Variants in SUMF1 observed in about 807,000 individuals in gnomAD.
SUMF1 encodes the protein sulfatase modifying factor 1, also known as formylglycine-generating enzyme.
A neutral mutation model predicts 47.6 loss-of-function variants in SUMF1; 48 were observed. The observed-to-expected ratio is 1.01, with a 90% CI of 0.80 to 1.28. The LOEUF is 1.28. Ranked by LOEUF, SUMF1 falls within the 50% of genes most tolerant of loss-of-function variation. The probability of loss-of-function intolerance (pLI) is 0.00; values close to 1 mark genes in which losing one functional copy is unlikely to be tolerated. For missense variants in SUMF1, 571 were observed against 485.4 expected, an observed-to-expected ratio of 1.18 and a Z score of -1.66; for synonymous variants, 230 against 192.1, an observed-to-expected ratio of 1.20 and a Z score of -1.63.
At chr3:4,450,292 C>G (rs1215072299) in intron 2 of SUMF1, among the ~76,000 whole-genome samples, 1 of 152,180 alleles carries the variant, frequency 6.6e-6, no homozygotes, top group African/African-American at 2.4e-5. Context: ...TCAATCTCAT[C>G]AAATTAACTA....
intron 8 of SUMF1, among the ~76,000 whole-genome samples, chr3:4,149,746 G>A (rs943982074): frequency 1.3e-5 from 2 of 152,166 alleles, no homozygotes. Flanking sequence ...AAGACTGGTA[G>A]TTTCCTACAC....
At chr3:4,188,688 C>T (rs2629243) in intron 8 of SUMF1, among the ~76,000 whole-genome samples, 124,690 of 152,050 alleles carry the variant, frequency 0.82, 51,492 homozygotes, top group Admixed American at 0.88. Context: ...TTAGTGCTGA[C>T]TTACTGTGGA....
At chr3:4,435,196 G>C (rs9859047) in intron 3 of SUMF1, among the ~76,000 whole-genome samples, 1 of 152,068 alleles carries the variant, frequency 6.6e-6, no homozygotes, top group African/African-American at 2.4e-5. Context: ...CAAAGTGCTG[G>C]GACTACAGGC....
At chr3:4,339,293 G>A (rs1009374897) in intron 8 of SUMF1, among the ~76,000 whole-genome samples, 6 of 152,056 alleles carry the variant, frequency 3.9e-5, no homozygotes, top group African/African-American at 1.4e-4. Context: ...TCCTTGTGAG[G>A]TATGCCCCAC....
At chr3:4,286,094 C>T (rs1697627364) in intron 8 of SUMF1, among the ~76,000 whole-genome samples, 1 of 151,994 alleles carries the variant, frequency 6.6e-6, no homozygotes, top group South Asian at 2.1e-4. Context: ...TTGTTATATG[C>T]TTAAATTATA....
At position 4,308,527 on chromosome 3, in the gene SUMF1, C is replaced by T. The variant is rs113382810; in HGVS notation, c.1014+67803G>A. ...ATAAAGTGCCTGACATGGAGTACAG[C>T]ATTATTTCATTAAAATTTCATGATA... On this transcript the variant is annotated intron_variant and NMD_transcript_variant, in intron 8 of 12. Transcript: ENST00000448413. Among the ~76,000 whole-genome samples, 3 of 152,298 alleles carry T rather than the reference C, an allele frequency of 2.0e-5. 1 individual carries two copies. Among genetic ancestry groups the T allele is most frequent in the African/African-American group, 7.2e-5 (3 of 41,574 alleles).
chr3:4,462,757 G>C (rs1047111037), intron 1 of SUMF1, among the ~76,000 whole-genome samples: 3 of 152,182 alleles, frequency 2.0e-5, no homozygotes, highest in East Asian at 3.8e-4. Context: ...AGAGAAGCAT[G>C]CTCTCTGGAT....
At chr3:4,242,218 C>T (rs531640204) in intron 8 of SUMF1, among the ~76,000 whole-genome samples, 2 of 152,168 alleles carry the variant, frequency 1.3e-5, no homozygotes, top group East Asian at 3.8e-4. Flanking sequence ...ATGTCATCTG[C>T]AAACAGGGAC....
chr3:4,357,453 G>T (rs374355707), downstream of SUMF1, among the ~76,000 whole-genome samples: 25 of 151,688 alleles, frequency 1.6e-4, no homozygotes, highest in South Asian at 5.2e-3. Context: ...GATTCTCATG[G>T]ATGAAATTTC....
At chr3:4,163,464 T>G (rs200386538) in intron 8 of SUMF1, among the ~76,000 whole-genome samples, 1 of 30,308 alleles carries the variant, frequency 3.3e-5, no homozygotes, top group East Asian at 5.3e-4. Context: ...TTTATAAAGA[T>G]GTAAGAAAAT....
At chr3:4,164,844 G>A (rs1694662005) in intron 8 of SUMF1, among the ~76,000 whole-genome samples, 1 of 152,112 alleles carries the variant, frequency 6.6e-6, no homozygotes, top group African/African-American at 2.4e-5. Context: ...ATTGACCCTT[G>A]AGTGAGTCAG....
At chr3:4,438,775 GA>G (rs1409767620) in intron 3 of SUMF1, among the ~76,000 whole-genome samples, 1 of 152,062 alleles carries the variant, frequency 6.6e-6, no homozygotes, top group Non-Finnish European at 1.5e-5. Context: ...TAAGGATATA[GA>G]AAATTTGCAC....
intron 9 of SUMF1, among the ~76,000 whole-genome samples, chr3:4,063,222 C>A (rs1164081198): frequency 1.3e-5 from 2 of 152,070 alleles, no homozygotes; most frequent in African/African-American, 4.8e-5. Flanking sequence ...GCCCACACAT[C>A]AACTGCCTAA....
intron 8 of SUMF1, among the ~76,000 whole-genome samples, chr3:4,102,831 A>C (rs75194883): frequency 0.012 from 1,865 of 152,048 alleles, 54 homozygotes; most frequent in African/African-American, 0.043. Flanking sequence ...GAAGAAAGAG[A>C]AATAAGGAAG....
At chr3:4,353,873 T>C (rs1699562547) in intron 8 of SUMF1, among the ~76,000 whole-genome samples, 1 of 151,990 alleles carries the variant, frequency 6.6e-6, no homozygotes, top group South Asian at 2.1e-4. Flanking sequence ...TTCATTTTTA[T>C]GATTTTTAGG....
intron 7 of SUMF1, among the ~76,000 whole-genome samples, chr3:4,397,391 G>A (rs76418826): frequency 0.029 from 4,421 of 152,230 alleles, 112 homozygotes; most frequent in African/African-American, 0.065. Context: ...GTGCAGGGCC[G>A]CATATGGTTC....
At position 4,341,462 on chromosome 3, in the gene SUMF1, G is replaced by C. The variant is rs114634386; in HGVS notation, c.1014+34868C>G. Among the ~76,000 whole-genome samples, 701 of 152,022 alleles carry C rather than the reference G, an allele frequency of 4.6e-3. 7 individuals carry two copies. Among genetic ancestry groups the C allele is most frequent in the African/African-American group, 0.016 (675 of 41,490 alleles). On this transcript the variant is annotated intron_variant and NMD_transcript_variant, in intron 8 of 12. Coordinates refer to the SUMF1 transcript ENST00000448413. ...TAGTTCTGCTGTGAATGAATACATA[G>C]CTTTTCTTTATTTTTTTTTAATCTG...
intron 8 of SUMF1, among the ~76,000 whole-genome samples, chr3:4,298,491 G>GA (rs1190032096): frequency 2.6e-5 from 4 of 152,164 alleles, no homozygotes; most frequent in Non-Finnish European, 5.9e-5. Flanking sequence ...GACAGCTTCC[G>GA]AAAAAATAAA....
At chr3:4,279,391 C>T (rs1483741599) in intron 8 of SUMF1, among the ~76,000 whole-genome samples, 1 of 152,080 alleles carries the variant, frequency 6.6e-6, no homozygotes, top group African/African-American at 2.4e-5. Context: ...TGAAAACAGC[C>T]TGCATGCCCA....
Sources: allele counts gnomAD v4.1 joint callset (sites outside exome capture counted in the v4.1 genomes callset), GRCh38; gene constraint gnomAD v4.1.1; transcripts MANE v1.5; gene names NCBI Gene and HGNC (gene_info 2026-07-23, HGNC 2026-07-21).